The following KIRREL3 variants were observed in gnomAD, a reference collection of about 807,000 sequenced individuals.
KIRREL3 encodes kirre like nephrin family adhesion molecule 3.
In KIRREL3, 36 loss-of-function variants were observed where a neutral mutation model predicts 89.7. That is an observed-to-expected ratio of 0.40 (90% CI 0.31 to 0.53). KIRREL3 has a LOEUF of 0.53. KIRREL3 is among the 20% of genes least tolerant of loss of function. The pLI is 0.49. For missense variants in KIRREL3, 864 were observed against 1,056.6 expected, an observed-to-expected ratio of 0.82 and a Z score of 2.53; for synonymous variants, 445 against 441.4, an observed-to-expected ratio of 1.01 and a Z score of -0.10.
At position 126,954,106 on chromosome 11, in the gene KIRREL3, C is replaced by T. The variant is rs567610541; in HGVS notation, c.55+46349G>A. ...GGTCGGTCTGTGAGCGCCTCTAATA[C>T]CCTATGTGGTTTCTTGAGATTTCCA... On this transcript the variant is annotated intron_variant, in intron 1 of 16. Transcript: ENST00000525144. The surrounding 1 kb of genome is among the most constrained non-coding windows in gnomAD (Gnocchi z 4.1). Among the ~76,000 whole-genome samples, 1 of 151,962 alleles carries T rather than the reference C, an allele frequency of 6.6e-6. No homozygotes were observed. Among genetic ancestry groups the T allele is most frequent in the African/African-American group, 2.4e-5 (1 of 41,456 alleles).
intron 1 of KIRREL3, among the ~76,000 whole-genome samples, chr11:126,759,721 A>G (rs1374028261): frequency 6.6e-6 from 1 of 152,246 alleles, no homozygotes; most frequent in African/African-American, 2.4e-5. Context: ...AGCACTAGAC[A>G]TAAGTATATC....
intron 1 of KIRREL3, among the ~76,000 whole-genome samples, chr11:126,722,453 C>T (rs906326296): frequency 2.0e-5 from 3 of 152,378 alleles, no homozygotes; most frequent in African/African-American, 7.2e-5. Context: ...ATCTAACTTA[C>T]ACCATATCAG....
Position 126,462,480 on chromosome 11 carries a change from T to C in KIRREL3, c.742+677A>G, listed in dbSNP as rs914371069. Among the ~76,000 whole-genome samples the C allele has an allele frequency of 6.6e-6, 1 of 152,054 alleles. No homozygotes were observed. ...AGGAGTTTGAGACCAGCTTGGCCAA[T>C]ATGGTGAAACCCCATATCTACTAAA... On this transcript the variant is annotated intron_variant, in intron 6 of 16. Coordinates refer to ENST00000525144, the MANE Select transcript of KIRREL3 (RefSeq NM_032531.4). This position sits in a 1 kb window ranked among gnomAD's most constrained non-coding sequence, Gnocchi z 4.8.
chr11:126,545,161 C>A (rs144640337), intron 2 of KIRREL3, among the ~76,000 whole-genome samples: 1 of 151,986 alleles, frequency 6.6e-6, no homozygotes. Context: ...ACTGGTGGGG[C>A]GGCAGGTTTA....
intron 4 of KIRREL3, among the ~76,000 whole-genome samples, chr11:126,478,215 T>C (rs1213367041): frequency 1.3e-5 from 2 of 152,192 alleles, no homozygotes; most frequent in African/African-American, 4.8e-5. Context: ...TGCTGGCTCT[T>C]CCCGTCAATG....
At chr11:126,881,722 A>G (rs1196508686) in intron 1 of KIRREL3, among the ~76,000 whole-genome samples, 1 of 151,916 alleles carries the variant, frequency 6.6e-6, no homozygotes, top group Non-Finnish European at 1.5e-5. Context: ...TAATTTTTGT[A>G]TTTTTAGTAG....
Position 126,727,734 on chromosome 11 carries a change from A to G in KIRREL3, c.56-164822T>C, listed in dbSNP as rs530935408. Among the ~76,000 whole-genome samples the G allele has an allele frequency of 7.7e-4, 117 of 152,360 alleles. No individual in the cohort carries two copies. The South Asian group carries it at 0.022, about 29-fold the overall frequency. On this transcript the variant is annotated intron_variant, in intron 1 of 16. Coordinates refer to ENST00000525144, the MANE Select transcript of KIRREL3 (RefSeq NM_032531.4). ...AGAAAATCAGATTTGACTTAGCTCC[A>G]TCCATTTTCACAATTGCTACGGAAA...
chr11:127,001,912 G>C (rs1350642341), upstream of KIRREL3, among the ~76,000 whole-genome samples: 2 of 152,106 alleles, frequency 1.3e-5, no homozygotes, highest in Non-Finnish European at 2.9e-5. Context: ...GGTAAAGAGA[G>C]AGGAGAGGAA....
chr11:126,453,028 C>T (rs1284310251), intron 7 of KIRREL3, among the ~76,000 whole-genome samples: 2 of 152,072 alleles, frequency 1.3e-5, no homozygotes, highest in Admixed American at 1.3e-4. Flanking sequence ...CTTCCCTGTC[C>T]TTCCTCTTTG....
rs144640337 is a variant in KIRREL3 at position 126,545,161 on chromosome 11, C to T, written c.133+17674G>A. ...GAAGCCAAGAGCAGAACTGGTGGGG[C>T]GGCAGGTTTAAAACAATCTCTTCAT... On this transcript the variant is annotated intron_variant, in intron 2 of 16. Coordinates refer to ENST00000525144, the MANE Select transcript of KIRREL3 (RefSeq NM_032531.4). Among the ~76,000 whole-genome samples, 1,056 of 152,102 alleles carry T rather than the reference C, an allele frequency of 6.9e-3. 10 individuals carry two copies. Among genetic ancestry groups the T allele is most frequent in the African/African-American group, 0.024 (1,004 of 41,482 alleles).
intron 4 of KIRREL3, among the ~76,000 whole-genome samples, chr11:126,511,245 A>G (rs1187383823): frequency 1.3e-5 from 2 of 151,588 alleles, no homozygotes; most frequent in East Asian, 3.9e-4. Flanking sequence ...AATTGCTTGA[A>G]CCTGGGAGGC....
intron 5 of KIRREL3, among the ~76,000 whole-genome samples, chr11:126,472,248 A>C (rs913745427): frequency 6.6e-6 from 1 of 152,232 alleles, no homozygotes; most frequent in African/African-American, 2.4e-5. Context: ...GTCTTAGCCC[A>C]GCTGGGCTGC....
intron 1 of KIRREL3, among the ~76,000 whole-genome samples, chr11:126,798,910 A>G (rs1018990834): frequency 1.3e-5 from 2 of 152,200 alleles, no homozygotes; most frequent in Non-Finnish European, 2.9e-5. Context: ...CATCTGCAAA[A>G]CGAAGAGTAC....
rs1946273189 is a variant in KIRREL3 at position 126,677,950 on chromosome 11, A to T, written c.56-115038T>A. ...ATCAGCCTCAGTGTCAGGCCCTGGG[A>T]CCCAGAGACACACCCCGTCCCCAGG... On this transcript the variant is annotated intron_variant, in intron 1 of 16. Transcript: ENST00000525144. This position sits in a 1 kb window ranked among gnomAD's most constrained non-coding sequence, Gnocchi z 5.1. 1.3e-5 allele frequency among the ~76,000 whole-genome samples: 2 copies of T among 152,138 alleles called. No homozygotes were observed. The highest frequency in any genetic ancestry group is 1.3e-4 in the Admixed American group (2 of 15,278).
chr11:126,706,274 T>A (rs1002681619), intron 1 of KIRREL3, among the ~76,000 whole-genome samples: 1 of 152,244 alleles, frequency 6.6e-6, no homozygotes, highest in Non-Finnish European at 1.5e-5. Flanking sequence ...TTCATTTAAA[T>A]AAATATTTAG....
At chr11:126,915,754 A>C (rs1385562799) in intron 1 of KIRREL3, among the ~76,000 whole-genome samples, 1 of 152,210 alleles carries the variant, frequency 6.6e-6, no homozygotes, top group East Asian at 1.9e-4. Flanking sequence ...TTTTAGTCAC[A>C]TTGTAGTCAA....
chr11:126,444,508 C>T (rs1955711786), intron 10 of KIRREL3, among the ~76,000 whole-genome samples: 1 of 152,176 alleles, frequency 6.6e-6, no homozygotes, highest in African/African-American at 2.4e-5. Context: ...GCCTGTAGTC[C>T]CAGCTACTCA....
intron 1 of KIRREL3, among the ~76,000 whole-genome samples, chr11:126,851,621 C>G (rs1195872389): frequency 6.6e-6 from 1 of 152,120 alleles, no homozygotes; most frequent in Non-Finnish European, 1.5e-5. Flanking sequence ...ACATCCTGAA[C>G]CCCCACCAAG....
rs185233993 is a variant in KIRREL3, at chr11:126,645,662, G to A, written c.56-82750C>T. ...AGAAAAGGTAAGAAGGACTCTCAAAGCCTTTGTTAATTAAAAACACACACA... is the reference window on the plus strand; with the variant it reads ...AGAAAAGGTAAGAAGGACTCTCAAAACCTTTGTTAATTAAAAACACACACA... On this transcript the variant is annotated intron_variant, in intron 1 of 16. Coordinates refer to ENST00000525144, the MANE Select transcript of KIRREL3 (RefSeq NM_032531.4). This position sits in a 1 kb window ranked among gnomAD's most constrained non-coding sequence, Gnocchi z 4.9. Among the ~76,000 whole-genome samples the A allele has an allele frequency of 1.3e-4, 20 of 152,288 alleles. No individual in the cohort carries two copies. Among genetic ancestry groups the A allele is most frequent in the African/African-American group, 4.1e-4 (17 of 41,562 alleles).
Sources: allele counts gnomAD v4.1 joint callset (sites outside exome capture counted in the v4.1 genomes callset), GRCh38; gene constraint gnomAD v4.1.1; non-coding constraint Gnocchi (gnomAD v3.1); transcripts MANE v1.5; gene names NCBI Gene and HGNC (gene_info 2026-07-23, HGNC 2026-07-21).